The following STIM1 variants were observed in gnomAD, a reference collection of about 807,000 sequenced individuals.
STIM1 encodes stromal interaction molecule 1.
Under a neutral mutation model 74.7 loss-of-function variants are expected in STIM1, and 25 were observed. The ratio of observed to expected loss-of-function variants is 0.33; its 90% CI spans 0.24 to 0.47. The LOEUF (loss-of-function observed/expected upper bound fraction) is 0.47. Ranked by LOEUF, STIM1 falls within the 20% of genes least tolerant of loss-of-function variation. The pLI, the probability that STIM1 is intolerant of heterozygous loss-of-function variation, is 1.00. For missense variants in STIM1, 728 were observed against 920.8 expected (o/e 0.79, Z 2.71); for synonymous variants, 328 against 348.8 (o/e 0.94, Z 0.66).
At chr11:4,048,797 G>C (rs753321161) in intron 3 of STIM1, among the ~76,000 whole-genome samples, 1 of 151,798 alleles carries the variant, frequency 6.6e-6, no homozygotes. Context: ...GCAGTGGCAC[G>C]ATCTCAGCTC....
intron 2 of STIM1, among the ~76,000 whole-genome samples, chr11:4,014,279 C>A (rs943232551): frequency 2.6e-5 from 4 of 152,150 alleles, no homozygotes; most frequent in Non-Finnish European, 5.9e-5. Context: ...CAAAGAACAT[C>A]TTTATTTCTG....
At chr11:3,884,845 T>G (rs548991984) in intron 1 of STIM1, among the ~76,000 whole-genome samples, 111 of 151,868 alleles carry the variant, frequency 7.3e-4, no homozygotes, top group African/African-American at 2.6e-3. Context: ...TGGAGTTAAG[T>G]GTTGATAGAT....
chr11:3,934,686 C>A (rs1274202293), intron 1 of STIM1, among the ~76,000 whole-genome samples: 1 of 152,208 alleles, frequency 6.6e-6, no homozygotes, highest in African/African-American at 2.4e-5. Context: ...TGATTGTGTA[C>A]AACTATCTTG....
In STIM1 at chr11:3,967,593, G is replaced by A; in HGVS notation, c.181G>A (p.Glu61Lys). 1.2e-6 allele frequency: 2 copies of A among 1,614,218 alleles called. No individual in the cohort carries two copies. The highest frequency in any genetic ancestry group is 2.2e-5 in the East Asian group (1 of 44,890). The part of the protein sequence containing the change: ...IDKPLCHSED[E>K]KLSFEAVRNI... ...CAAGCCCCTGTGTCACAGTGAGGAT[G>A]AGAAACTCAGCTTCGAGGCAGTCCG... The change falls in exon 2 of 13, where the codon GAG becomes AAG. Residue 61 changes from glutamate (E) to lysine (K), a missense_variant. By Grantham distance (56) the Glu-to-Lys change is moderately conservative (BLOSUM62 1). Around this residue, in one of 5 missense-constraint regions of STIM1, gnomAD observed 51 missense variants for 101.1 expected, o/e 0.50. Coordinates refer to ENST00000526596, the MANE Select transcript of STIM1 (RefSeq NM_001382567.1).
chr11:4,028,218 A>C (rs2094014315), intron 3 of STIM1, among the ~76,000 whole-genome samples: 1 of 151,836 alleles, frequency 6.6e-6, no homozygotes, highest in African/African-American at 2.4e-5. Flanking sequence ...AGTAGCTGGG[A>C]TTACAAGTGT....
intron 1 of STIM1, among the ~76,000 whole-genome samples, chr11:3,939,633 G>A (rs2092980190): frequency 6.6e-6 from 1 of 152,104 alleles, no homozygotes; most frequent in Admixed American, 6.5e-5. Context: ...TAGAGATGAA[G>A]AAATTGAGAT....
At chr11:3,917,441 T>G (rs536005683) in intron 1 of STIM1, among the ~76,000 whole-genome samples, 1 of 151,766 alleles carries the variant, frequency 6.6e-6, no homozygotes, top group East Asian at 1.9e-4. Context: ...TTCTGTTTTT[T>G]TTTTTTTTTT....
chr11:4,041,464 A>G (rs1590668027), intron 3 of STIM1, among the ~76,000 whole-genome samples: 1 of 152,098 alleles, frequency 6.6e-6, no homozygotes, highest in Non-Finnish European at 1.5e-5. Flanking sequence ...CTACATTTTT[A>G]TGATGTGAAA....
chr11:3,909,435 A>G (rs1228515032), intron 1 of STIM1, among the ~76,000 whole-genome samples: 1 of 152,180 alleles, frequency 6.6e-6, no homozygotes, highest in Non-Finnish European at 1.5e-5. Context: ...TCCTGGGCTT[A>G]TGAGAGACCC....
intron 2 of STIM1, among the ~76,000 whole-genome samples, chr11:4,019,422 C>T (rs922385472): frequency 5.3e-5 from 8 of 151,942 alleles, no homozygotes; most frequent in Non-Finnish European, 7.4e-5. Flanking sequence ...GCCTGTAATC[C>T]GAGCACTTTG....
At chr11:3,935,939 C>T (rs1190865759) in intron 1 of STIM1, among the ~76,000 whole-genome samples, 2 of 152,158 alleles carry the variant, frequency 1.3e-5, no homozygotes, top group Non-Finnish European at 2.9e-5. Flanking sequence ...GAGGTATTTA[C>T]AATTCTTTTA....
chr11:4,036,699 G>A (rs901216936), intron 3 of STIM1, among the ~76,000 whole-genome samples: 1 of 152,114 alleles, frequency 6.6e-6, no homozygotes. Context: ...TTTTAATGGG[G>A]TTGTTTATTT....
At chr11:4,017,297 A>T (rs1554965771) in intron 2 of STIM1, among the ~76,000 whole-genome samples, 1 of 152,006 alleles carries the variant, frequency 6.6e-6, no homozygotes, top group Non-Finnish European at 1.5e-5. Context: ...CAGCATAAGT[A>T]CCTTCCTTCA....
intron 1 of STIM1, among the ~76,000 whole-genome samples, chr11:3,874,067 G>T (rs2091230329): frequency 6.6e-6 from 1 of 152,084 alleles, no homozygotes; most frequent in Non-Finnish European, 1.5e-5. Context: ...TATTTTTCCT[G>T]GGGAGCTGAG....
intron 2 of STIM1, among the ~76,000 whole-genome samples, chr11:4,013,854 G>A (rs1008072443): frequency 6.6e-6 from 1 of 151,400 alleles, no homozygotes; most frequent in Non-Finnish European, 1.5e-5. Context: ...ACAGGCACCC[G>A]CCACCATGCC....
At chr11:3,895,677 TCC>T (rs2092079451) in intron 1 of STIM1, among the ~76,000 whole-genome samples, 1 of 50,260 alleles carries the variant, frequency 2.0e-5, no homozygotes, top group African/African-American at 1.1e-4. Context: ...TTTCTTTCCT[TCC>T]TTCCTTCTTT....
chr11:4,074,618 T>C lies in STIM1; in HGVS notation c.908T>C (p.Leu303Pro). The C allele has an allele frequency of 6.2e-7, 1 of 1,607,746 alleles. No individual in the cohort carries two copies. The highest frequency in any genetic ancestry group is 1.7e-5 in the Admixed American group (1 of 58,878). The change falls in exon 7 of 13, where the codon CTG becomes CCG. Residue 303 changes from leucine to proline, a missense_variant. Physicochemically the swap from Leu to Pro is moderately conservative, Grantham distance 98. Transcript: ENST00000526596. ...AKQEAQRLKE[L>P]REGTENERSR... is the part of the protein sequence containing the mutation. ...CAGGAAGCCCAGCGGCTGAAGGAGC[T>C]GCGGGAGGGTACTGAGAATGAGCGG...
At chr11:3,862,797 T>C (rs1035680399) in intron 1 of STIM1, among the ~76,000 whole-genome samples, 1 of 151,956 alleles carries the variant, frequency 6.6e-6, no homozygotes, top group Admixed American at 6.6e-5. Context: ...AACTGAGGTC[T>C]GGGGGTAAAA....
intron 6 of STIM1, among the ~76,000 whole-genome samples, chr11:4,071,839 T>C (rs1247359062): frequency 6.6e-6 from 1 of 152,180 alleles, no homozygotes. Context: ...TATCAGTAAG[T>C]AGTGAACTAG....
Sources: allele counts gnomAD v4.1 joint callset (sites outside exome capture counted in the v4.1 genomes callset), GRCh38; gene constraint gnomAD v4.1.1; regional missense constraint gnomAD v4.1.1; transcripts MANE v1.5; gene names NCBI Gene and HGNC (gene_info 2026-07-23, HGNC 2026-07-21).